STARD13: variants seen among roughly 807,000 people sequenced by gnomAD.
STARD13 encodes the protein StAR related lipid transfer domain containing 13.
A neutral mutation model predicts 106.4 loss-of-function variants in STARD13; 62 were observed. The observed-to-expected ratio is 0.58, with a 90% CI of 0.48 to 0.72. The LOEUF (loss-of-function observed/expected upper bound fraction) is 0.72. STARD13 is among the 30% of genes least tolerant of loss of function. The probability of loss-of-function intolerance (pLI) is 0.00; values close to 1 mark genes in which losing one functional copy is unlikely to be tolerated. For synonymous variants in STARD13, 565 were observed against 553.0 expected (o/e 1.02, Z -0.31); for missense variants, 1,387 against 1,424.0 (o/e 0.97, Z 0.42).
chr13:33,528,243 C>CATATATATATACATATATATATAT, the STARD13 span, among the ~76,000 whole-genome samples: 1 of 93,482 alleles, frequency 1.1e-5, no homozygotes, highest in African/African-American at 6.2e-5. Flanking sequence ...TATATATATA[C>CATATATATATACATATATATATAT]ATATATATAT....
the STARD13 span, among the ~76,000 whole-genome samples, chr13:33,652,549 T>A: frequency 3.1e-3 from 467 of 152,362 alleles, 1 homozygote; most frequent in African/African-American, 0.011. Context: ...AACAGCTTCA[T>A]AATTCCATAG....
At chr13:33,233,702 C>A (rs1187117713) in intron 1 of STARD13, among the ~76,000 whole-genome samples, 4 of 152,248 alleles carry the variant, frequency 2.6e-5, no homozygotes, top group Non-Finnish European at 4.4e-5. Flanking sequence ...AAGGGGCCAA[C>A]TGAGCTGTTA....
intron 1 of STARD13, among the ~76,000 whole-genome samples, chr13:33,325,850 T>C (rs2077768051): frequency 6.6e-6 from 1 of 151,992 alleles, no homozygotes; most frequent in East Asian, 1.9e-4. Context: ...CCGGGCATGG[T>C]GGCGGGCGCC....
the STARD13 span, among the ~76,000 whole-genome samples, chr13:33,437,821 A>G: frequency 2.0e-5 from 3 of 152,152 alleles, no homozygotes; most frequent in African/African-American, 7.2e-5. Context: ...TTATGTGAAA[A>G]TCGATTTGAC....
At chr13:33,256,005 A>C (rs2138304670) in intron 1 of STARD13, among the ~76,000 whole-genome samples, 1 of 152,382 alleles carries the variant, frequency 6.6e-6, no homozygotes, top group Middle Eastern at 3.4e-3. Context: ...ATATACATAC[A>C]TAAGTTGATT....
At chr13:33,185,744 C>T in intron 1 of STARD13, 1 of 776,080 alleles carries the variant, frequency 1.3e-6, no homozygotes. Flanking sequence ...CTCTGATTCC[C>T]AGCTCTAGTT....
the STARD13 span, among the ~76,000 whole-genome samples, chr13:33,425,911 T>C: frequency 1.3e-5 from 2 of 152,240 alleles, no homozygotes; most frequent in Non-Finnish European, 2.9e-5. Flanking sequence ...CCTGCATTTG[T>C]AATTACTGAA....
intron 1 of STARD13, among the ~76,000 whole-genome samples, chr13:33,172,118 C>T (rs952202201): frequency 1.1e-4 from 17 of 152,270 alleles, no homozygotes; most frequent in African/African-American, 3.1e-4. Flanking sequence ...ATTATGAACA[C>T]CTAACTTTAT....
rs566298693 is a variant in STARD13 at position 33,292,987 on chromosome 13, G to A, written c.124+57303C>T. Among the ~76,000 whole-genome samples the A allele has an allele frequency of 3.6e-4, 55 of 151,894 alleles. No homozygotes were observed. In the South Asian group the frequency reaches 8.5e-3, roughly 24 times the overall value. ...CCAGCTCCCCGTTAGCCTCCTCCAC[G>A]TTGCTGCCTCAGTTGCCTTTCTGCA... On this transcript the variant is annotated intron_variant, in intron 1 of 5. Transcript: ENST00000567873.
At chr13:33,380,288 G>A in the STARD13 span, among the ~76,000 whole-genome samples, 2 of 151,888 alleles carry the variant, frequency 1.3e-5, no homozygotes, top group African/African-American at 2.4e-5. Context: ...GGTGGCGGGC[G>A]CCTGTAGTCC....
chr13:33,383,312 C>T, the STARD13 span, among the ~76,000 whole-genome samples: 1,554 of 152,164 alleles, frequency 0.01, 29 homozygotes, highest in African/African-American at 0.035. Flanking sequence ...GCAGGAGAAT[C>T]GCTTGAGGCT....
chr13:33,263,921 G>T (rs1035760676), intron 1 of STARD13, among the ~76,000 whole-genome samples: 1 of 152,182 alleles, frequency 6.6e-6, no homozygotes, highest in Non-Finnish European at 1.5e-5. Context: ...AGACCTTTAT[G>T]GCTATGTTGA....
chr13:33,439,132 A>G, the STARD13 span, among the ~76,000 whole-genome samples: 1 of 152,236 alleles, frequency 6.6e-6, no homozygotes, highest in Non-Finnish European at 1.5e-5. Flanking sequence ...TATTCAAATG[A>G]AAAGTACAAC....
intron 3 of STARD13, among the ~76,000 whole-genome samples, chr13:33,154,913 AGGCTTCTTTCCTTCCCCTTCCCCTGG>A (rs1881766547): frequency 6.6e-6 from 1 of 151,964 alleles, no homozygotes; most frequent in African/African-American, 2.4e-5. Flanking sequence ...ACTCACACTG[AGGCTTCTTTCCTTCCCCTTCCCCTGG>A]GGCTTCTTTC....
At chr13:33,528,243 C>CATAT in the STARD13 span, among the ~76,000 whole-genome samples, 1,160 of 93,300 alleles carry the variant, frequency 0.012, 48 homozygotes, top group African/African-American at 0.068. Context: ...TATATATATA[C>CATAT]ATATATATAT....
At chr13:33,576,582 G>A in the STARD13 span, among the ~76,000 whole-genome samples, 1 of 152,036 alleles carries the variant, frequency 6.6e-6, no homozygotes, top group Non-Finnish European at 1.5e-5. Context: ...ATCTGCCTTT[G>A]ATTGGCTAAT....
At chr13:33,215,378 C>A (rs187263252) in intron 1 of STARD13, among the ~76,000 whole-genome samples, 155 of 152,286 alleles carry the variant, frequency 1.0e-3, no homozygotes, top group Non-Finnish European at 1.7e-3. Flanking sequence ...AGATCTATCT[C>A]CTATTTCAAC....
the STARD13 span, among the ~76,000 whole-genome samples, chr13:33,548,403 G>A: frequency 6.6e-6 from 1 of 152,182 alleles, no homozygotes; most frequent in Non-Finnish European, 1.5e-5. Flanking sequence ...GTGGAATAGT[G>A]CATAGAAAGC....
chr13:33,446,729 A>G, the STARD13 span, among the ~76,000 whole-genome samples: 1 of 152,214 alleles, frequency 6.6e-6, no homozygotes, highest in African/African-American at 2.4e-5. Flanking sequence ...AATTTTAGAC[A>G]TTTAATCTAA....
Sources: allele counts gnomAD v4.1 joint callset (sites outside exome capture counted in the v4.1 genomes callset), GRCh38; gene constraint gnomAD v4.1.1; transcripts MANE v1.5; gene names NCBI Gene and HGNC (gene_info 2026-07-23, HGNC 2026-07-21).